OR2L13: variants seen among roughly 807,000 people sequenced by gnomAD.
The protein encoded by OR2L13 is olfactory receptor family 2 subfamily L member 13.
In OR2L13, 14 loss-of-function variants were observed where a neutral mutation model predicts 15.3. That is an observed-to-expected ratio of 0.91 (90% CI 0.60 to 1.43). The LOEUF is 1.43. OR2L13 is among the 40% of genes most tolerant of loss of function. The pLI is 0.00. For missense variants in OR2L13, 367 were observed against 387.9 expected (o/e 0.95, Z 0.45); for synonymous variants, 152 against 142.9 (o/e 1.06, Z -0.45).
the OR2L13 span, among the ~76,000 whole-genome samples, chr1:248,037,487 T>G: frequency 2.6e-5 from 4 of 152,342 alleles, no homozygotes; most frequent in South Asian, 8.3e-4. Flanking sequence ...GCATCAAACA[T>G]TCATATCTTT....
chr1:248,012,677 T>C, the OR2L13 span, among the ~76,000 whole-genome samples: 1 of 152,150 alleles, frequency 6.6e-6, no homozygotes, highest in Non-Finnish European at 1.5e-5. Flanking sequence ...TATTTGACTT[T>C]CAAGAAATTA....
the OR2L13 span, among the ~76,000 whole-genome samples, chr1:248,016,454 A>T: frequency 1.2e-4 from 19 of 152,196 alleles, no homozygotes; most frequent in African/African-American, 4.6e-4. Flanking sequence ...AGTACAATAA[A>T]ACCAGATAAC....
At chr1:248,021,948 A>C in the OR2L13 span, 5 of 1,610,792 alleles carry the variant, frequency 3.1e-6, no homozygotes, top group African/African-American at 2.7e-5. Flanking sequence ...TGAATGCCCC[A>C]TGGAAAATTA....
chr1:248,016,567 A>G, the OR2L13 span, among the ~76,000 whole-genome samples: 1 of 152,034 alleles, frequency 6.6e-6, no homozygotes, highest in South Asian at 2.1e-4. Context: ...AGCATCTATA[A>G]TGATTATGTA....
the OR2L13 span, chr1:248,051,268 T>A: frequency 6.6e-6 from 1 of 152,210 alleles, no homozygotes; most frequent in African/African-American, 2.4e-5. Flanking sequence ...AATATTTGTC[T>A]TTTTGTGACA....
chr1:248,058,837 T>C, the OR2L13 span, among the ~76,000 whole-genome samples: 2 of 152,104 alleles, frequency 1.3e-5, no homozygotes, highest in African/African-American at 4.8e-5. Context: ...CCCTACTTTT[T>C]TTATCTTTCC....
the OR2L13 span, among the ~76,000 whole-genome samples, chr1:248,060,329 A>G: frequency 6.6e-6 from 1 of 152,148 alleles, no homozygotes; most frequent in Non-Finnish European, 1.5e-5. Flanking sequence ...AAAAATTAAG[A>G]TTTCTCTTTC....
the OR2L13 span, chr1:247,949,773 A>G: frequency 1.9e-6 from 3 of 1,611,924 alleles, no homozygotes; most frequent in Non-Finnish European, 2.5e-6. Flanking sequence ...AGTGAGTCAG[A>G]GAATCTGCTC....
chr1:248,099,931 C>T lies in OR2L13; in HGVS notation c.556C>T (p.Leu186Phe), dbSNP rs769821623. 2 of 1,614,154 alleles carry T rather than the reference C, an allele frequency of 1.2e-6. No homozygotes were observed. Among genetic ancestry groups the T allele is most frequent in the East Asian group, 4.5e-5 (2 of 44,878 alleles). ...CTGCGATGTCCCAGCCATGTTGCTT[C>T]TTGCCTGTACAGATACTTGGGTCTA... Residue 186 changes from leucine (L) to phenylalanine (F), a missense_variant, in exon 3 of 3, where the codon CTT (leucine) becomes TTT (phenylalanine). By Grantham distance (22) the Leu-to-Phe change is conservative. Transcript: ENST00000641714.
the OR2L13 span, among the ~76,000 whole-genome samples, chr1:248,007,161 T>C: frequency 6.6e-6 from 1 of 152,116 alleles, no homozygotes; most frequent in African/African-American, 2.4e-5. Context: ...TCATTCCATC[T>C]CTCTGAAGTT....
At chr1:247,972,592 A>T in the OR2L13 span, among the ~76,000 whole-genome samples, 1 of 151,712 alleles carries the variant, frequency 6.6e-6, no homozygotes, top group South Asian at 2.1e-4. Flanking sequence ...AAATAGACCA[A>T]TAACAAGTTC....
chr1:248,053,671 CT>C, the OR2L13 span, among the ~76,000 whole-genome samples: 1 of 152,132 alleles, frequency 6.6e-6, no homozygotes, highest in Non-Finnish European at 1.5e-5. Context: ...CAGATGGTAT[CT>C]AATTATGGTT....
chr1:248,054,138 G>T, the OR2L13 span, among the ~76,000 whole-genome samples: 1 of 152,112 alleles, frequency 6.6e-6, no homozygotes, highest in Non-Finnish European at 1.5e-5. Context: ...TTTTGTGTAA[G>T]GTGTAAGGAA....
chr1:248,015,374 A>T, the OR2L13 span, among the ~76,000 whole-genome samples: 2 of 151,916 alleles, frequency 1.3e-5, no homozygotes, highest in African/African-American at 4.8e-5. Context: ...TCCGGAGGAC[A>T]CTCTTCTGTG....
the OR2L13 span, among the ~76,000 whole-genome samples, chr1:247,946,754 C>T: frequency 1.5e-4 from 23 of 152,150 alleles, no homozygotes; most frequent in Admixed American, 3.3e-4. Flanking sequence ...CCCCCAGGTT[C>T]CTTACCCTTC....
At chr1:247,954,334 A>G in the OR2L13 span, among the ~76,000 whole-genome samples, 14 of 152,334 alleles carry the variant, frequency 9.2e-5, no homozygotes, top group East Asian at 2.7e-3. Flanking sequence ...TACTTACAGC[A>G]TGGTAAGAAA....
At chr1:248,043,490 A>G in the OR2L13 span, among the ~76,000 whole-genome samples, 1 of 152,214 alleles carries the variant, frequency 6.6e-6, no homozygotes, top group Non-Finnish European at 1.5e-5. Flanking sequence ...AGAAAAGAGT[A>G]GACATGATTT....
upstream of OR2L13, among the ~76,000 whole-genome samples, chr1:248,090,956 A>AT (rs974243010): frequency 3.3e-5 from 5 of 151,858 alleles, no homozygotes; most frequent in African/African-American, 9.7e-5. Flanking sequence ...TTATTTTTAG[A>AT]TTTTTTTAGT....
At chr1:247,989,617 T>G in the OR2L13 span, among the ~76,000 whole-genome samples, 2 of 152,296 alleles carry the variant, frequency 1.3e-5, no homozygotes, top group South Asian at 4.1e-4. Context: ...AATAAGATAT[T>G]TTTCTAAATA....
Sources: allele counts gnomAD v4.1 joint callset (sites outside exome capture counted in the v4.1 genomes callset), GRCh38; gene constraint gnomAD v4.1.1; transcripts MANE v1.5; gene names NCBI Gene and HGNC (gene_info 2026-07-23, HGNC 2026-07-21).